Variants in PLCB1 observed in about 807,000 individuals in gnomAD.
PLCB1 encodes 1-phosphatidylinositol 4,5-bisphosphate phosphodiesterase beta-1.
Under a neutral mutation model 161.8 loss-of-function variants are expected in PLCB1, and 46 were observed. The observed-to-expected ratio is 0.28, with a 90% CI of 0.22 to 0.36. PLCB1 has a LOEUF of 0.36. Ranked by LOEUF, PLCB1 falls within the 10% of genes least tolerant of loss-of-function variation. The pLI is 1.00. For missense variants in PLCB1, 1,016 were observed against 1,472.5 expected (o/e 0.69, Z 5.07); for synonymous variants, 517 against 503.7 (o/e 1.03, Z -0.35).
intron 3 of PLCB1, among the ~76,000 whole-genome samples, chr20:8,583,581 A>G (rs1302571499): frequency 6.6e-6 from 1 of 152,120 alleles, no homozygotes; most frequent in East Asian, 1.9e-4. Flanking sequence ...GAACTTTATG[A>G]TCTGTGTGCT....
intron 3 of PLCB1, among the ~76,000 whole-genome samples, chr20:8,570,204 C>A (rs964867465): frequency 2.0e-5 from 3 of 152,130 alleles, no homozygotes; most frequent in Non-Finnish European, 1.5e-5. Context: ...GGTCATCTTA[C>A]TATCAGCTAC....
chr20:8,170,273 CT>C (rs917039446), intron 2 of PLCB1, among the ~76,000 whole-genome samples: 11 of 151,072 alleles, frequency 7.3e-5, no homozygotes, highest in Non-Finnish European at 1.5e-5. Context: ...TTCTTTCTTT[CT>C]TTTTTTTTAA....
chr20:8,815,178 G>A (rs1985028606), intron 31 of PLCB1, among the ~76,000 whole-genome samples: 1 of 152,042 alleles, frequency 6.6e-6, no homozygotes, highest in South Asian at 2.1e-4. Flanking sequence ...ATTTTCAGCT[G>A]TTATGAATTT....
intron 10 of PLCB1, among the ~76,000 whole-genome samples, chr20:8,694,582 T>C (rs746971918): frequency 6.6e-6 from 1 of 152,220 alleles, no homozygotes; most frequent in Non-Finnish European, 1.5e-5. Context: ...TCTAAGGAAA[T>C]GTTTCTCAAA....
At position 8,304,636 on chromosome 20, in the gene PLCB1, T is replaced by TTGTGTGTGTGTGTGTGTGTG. The variant is rs143282077; in HGVS notation, c.178-66730_178-66729insTGTGTGTGTGTGTGTGTGTG. On this transcript the variant is annotated intron_variant, in intron 2 of 31. Transcript: ENST00000338037. ...TTTTCCTATCTTCTTTGAGAGTGCT[T>TTGTGTGTGTGTGTGTGTGTG]TGTGTGTGTGTGTGTGGGTGTGTCC... Among the ~76,000 whole-genome samples the TTGTGTGTGTGTGTGTGTGTG allele has an allele frequency of 5.6e-3, 842 of 150,524 alleles. 11 individuals carry two copies. The highest frequency in any genetic ancestry group is 0.018 in the African/African-American group (758 of 41,062).
intron 3 of PLCB1, among the ~76,000 whole-genome samples, chr20:8,398,939 A>T (rs1192329323): frequency 6.6e-6 from 1 of 150,760 alleles, no homozygotes. Flanking sequence ...GCTGTTGTTG[A>T]TGTTGTTTCT....
At chr20:8,590,052 TG>T (rs1182961168) in intron 3 of PLCB1, among the ~76,000 whole-genome samples, 2 of 152,256 alleles carry the variant, frequency 1.3e-5, no homozygotes, top group Non-Finnish European at 1.5e-5. Context: ...GAATTTCGGG[TG>T]GGGACATAAA....
chr20:8,692,393 T>TA (rs926237251), intron 10 of PLCB1, among the ~76,000 whole-genome samples: 11 of 152,130 alleles, frequency 7.2e-5, no homozygotes, highest in Admixed American at 2.0e-4. Flanking sequence ...CACACAGACC[T>TA]AAAAAGTCAG....
chr20:8,818,022 A>G (rs1290721895), intron 31 of PLCB1, among the ~76,000 whole-genome samples: 1 of 152,248 alleles, frequency 6.6e-6, no homozygotes, highest in Non-Finnish European at 1.5e-5. Context: ...ACAGCAAAGT[A>G]TCAAAGACAT....
intron 31 of PLCB1, among the ~76,000 whole-genome samples, chr20:8,821,978 A>G (rs1264643395): frequency 6.6e-6 from 1 of 151,808 alleles, no homozygotes; most frequent in Non-Finnish European, 1.5e-5. Flanking sequence ...TCTTGGTTCA[A>G]ATGTTTCTTT....
intron 3 of PLCB1, among the ~76,000 whole-genome samples, chr20:8,439,114 A>G (rs1183688389): frequency 6.6e-6 from 1 of 152,210 alleles, no homozygotes; most frequent in Non-Finnish European, 1.5e-5. Flanking sequence ...CTAGGGCTTT[A>G]CAGAGTGGAG....
intron 2 of PLCB1, among the ~76,000 whole-genome samples, chr20:8,166,256 C>G (rs909466938): frequency 6.6e-6 from 1 of 152,184 alleles, no homozygotes; most frequent in Non-Finnish European, 1.5e-5. Flanking sequence ...CCCACTACTC[C>G]TCCAAATTAG....
chr20:8,374,342 A>T (rs927928508), intron 3 of PLCB1, among the ~76,000 whole-genome samples: 1 of 152,150 alleles, frequency 6.6e-6, no homozygotes, highest in Non-Finnish European at 1.5e-5. Flanking sequence ...AAGTTTCCTG[A>T]GGCCTCCCCA....
At chr20:8,592,174 A>G (rs1161907504) in intron 3 of PLCB1, among the ~76,000 whole-genome samples, 1 of 152,230 alleles carries the variant, frequency 6.6e-6, no homozygotes, top group African/African-American at 2.4e-5. Flanking sequence ...TTTGACCACT[A>G]TCATCCCTGT....
chr20:8,658,757 G>A, intron 9 of PLCB1, 53 bp downstream of exon 9: 1 of 1,455,434 alleles, frequency 6.9e-7, no homozygotes. Flanking sequence ...ATTGGGGGTA[G>A]TCACACGCTG....
chr20:8,717,287 ACTC>A (rs1979371356), intron 13 of PLCB1, among the ~76,000 whole-genome samples: 1 of 151,952 alleles, frequency 6.6e-6, no homozygotes, highest in Admixed American at 6.6e-5. Flanking sequence ...GTCTTTACCA[ACTC>A]CTCCTGGCAG....
chr20:8,821,995 A>G (rs1339604990), intron 31 of PLCB1, among the ~76,000 whole-genome samples: 1 of 151,636 alleles, frequency 6.6e-6, no homozygotes. Context: ...CTTTGCAGAG[A>G]GACTTTCTCA....
intron 31 of PLCB1, among the ~76,000 whole-genome samples, chr20:8,842,066 G>T (rs1223382038): frequency 6.6e-6 from 1 of 152,114 alleles, no homozygotes; most frequent in African/African-American, 2.4e-5. Flanking sequence ...CCACTATTCA[G>T]ATAAAACAAG....
At chr20:8,825,185 T>C (rs954679254) in intron 31 of PLCB1, among the ~76,000 whole-genome samples, 2 of 152,138 alleles carry the variant, frequency 1.3e-5, no homozygotes. Context: ...CAGTGAAATT[T>C]ACCCCCCCAA....
Sources: allele counts gnomAD v4.1 joint callset (sites outside exome capture counted in the v4.1 genomes callset), GRCh38; gene constraint gnomAD v4.1.1; transcripts MANE v1.5; gene names NCBI Gene and HGNC (gene_info 2026-07-23, HGNC 2026-07-21).